The following NAA15 variants were observed in gnomAD, a reference collection of about 807,000 sequenced individuals.
NAA15 encodes the protein N-alpha-acetyltransferase 15, NatA auxiliary subunit, also known as N-terminal acetyltransferase.
NAA15 carries 34 observed loss-of-function variants against 114.0 expected under a neutral mutation model. The ratio of observed to expected loss-of-function variants is 0.30; its 90% CI spans 0.23 to 0.40. The LOEUF (loss-of-function observed/expected upper bound fraction) is 0.40. Ranked by LOEUF, NAA15 falls within the 10% of genes least tolerant of loss-of-function variation. The pLI, the probability that NAA15 is intolerant of heterozygous loss-of-function variation, is 1.00. For synonymous variants in NAA15, 340 were observed against 338.0 expected (o/e 1.01, Z -0.06); for missense variants, 658 against 1,004.5 (o/e 0.66, Z 4.66).
At position 139,344,815 on chromosome 4, in the gene NAA15, C is replaced by T. The variant is rs551044470; in HGVS notation, c.691+476C>T. The stretch of plus-strand genomic sequence containing the variant: ...TCTTTATGGTTAATCTGAATGTCTT[C>T]GATGACACAGAAAGAATATGAGTTC... On this transcript the variant is annotated intron_variant, in intron 6 of 19. Coordinates refer to ENST00000296543, the MANE Select transcript of NAA15 (RefSeq NM_057175.5). Among the ~76,000 whole-genome samples, 12 of 152,018 alleles carry T rather than the reference C, an allele frequency of 7.9e-5. No individual in the cohort carries two copies. The South Asian group carries it at 2.1e-3, about 26-fold the overall frequency.
intron 1 of NAA15, among the ~76,000 whole-genome samples, chr4:139,318,889 C>G (rs1289802565): frequency 6.6e-6 from 1 of 151,592 alleles, no homozygotes; most frequent in Non-Finnish European, 1.5e-5. Context: ...TAAGTAACAG[C>G]TAAAAGAACA....
At chr4:139,370,701 G>T (rs1748411824) in intron 15 of NAA15, among the ~76,000 whole-genome samples, 1 of 152,126 alleles carries the variant, frequency 6.6e-6, no homozygotes, top group Non-Finnish European at 1.5e-5. Flanking sequence ...TTCACTGTGT[G>T]CCCTTGGACA....
chr4:139,357,352 C>A lies in NAA15; in HGVS notation c.1088-34C>A, dbSNP rs779321309. 6 of 1,602,196 alleles carry A rather than the reference C, an allele frequency of 3.7e-6. No homozygotes were observed. In the Admixed American group the frequency reaches 1.0e-4, roughly 27 times the overall value. On this transcript the variant is annotated intron_variant, in intron 10 of 19. Transcript: ENST00000296543. ...GGGGGTGCTCTTAATATATGTAATGCCTCATCTTGGTTTCTTCTCCCTCTT... is the reference window on the plus strand; with the variant it reads ...GGGGGTGCTCTTAATATATGTAATGACTCATCTTGGTTTCTTCTCCCTCTT...
chr4:139,318,556 C>T (rs1412494125), intron 1 of NAA15: 1 of 151,968 alleles, frequency 6.6e-6, no homozygotes, highest in African/African-American at 2.4e-5. Context: ...ATAGAGTGGT[C>T]TAAAATGTCA....
intron 1 of NAA15, 118 bp downstream of exon 1, chr4:139,301,949 G>T: frequency 8.9e-7 from 1 of 1,123,506 alleles, no homozygotes; most frequent in Non-Finnish European, 1.3e-6. Flanking sequence ...CGCCTTCATA[G>T]CTCTCGTCAG....
At chr4:139,339,520 G>A (rs749053794) in intron 3 of NAA15, among the ~76,000 whole-genome samples, 4 of 151,520 alleles carry the variant, frequency 2.6e-5, no homozygotes, top group Non-Finnish European at 4.4e-5. Flanking sequence ...TAATTAGGAG[G>A]CGGGCGGATC....
At chr4:139,304,322 C>T (rs1455539788) in intron 1 of NAA15, among the ~76,000 whole-genome samples, 1 of 152,250 alleles carries the variant, frequency 6.6e-6, no homozygotes, top group Admixed American at 6.5e-5. Context: ...GTTTTCCCAA[C>T]ACTAATACCT....
At chr4:139,350,613 C>G (rs757686680) in intron 7 of NAA15, among the ~76,000 whole-genome samples, 2 of 152,174 alleles carry the variant, frequency 1.3e-5, no homozygotes, top group African/African-American at 2.4e-5. Flanking sequence ...CAAGAGAAAC[C>G]TTCTTGCAGA....
intron 1 of NAA15, chr4:139,302,455 C>T (rs1488475592): frequency 6.6e-6 from 1 of 152,288 alleles, no homozygotes; most frequent in East Asian, 1.9e-4. Context: ...TTCAGCTCCT[C>T]TGCCTCCGTT....
At chr4:139,321,924 G>T (rs1354731648) in intron 1 of NAA15, among the ~76,000 whole-genome samples, 1 of 151,924 alleles carries the variant, frequency 6.6e-6, no homozygotes, top group Non-Finnish European at 1.5e-5. Flanking sequence ...TCTTTCTCCT[G>T]TAGGTCATGG....
chr4:139,364,725 T>C (rs941238188), intron 14 of NAA15, among the ~76,000 whole-genome samples: 1 of 152,240 alleles, frequency 6.6e-6, no homozygotes, highest in African/African-American at 2.4e-5. Flanking sequence ...ACTGTGTCTT[T>C]AGAATTTTCG....
chr4:139,323,859 G>A (rs1274398025), intron 1 of NAA15, among the ~76,000 whole-genome samples: 2 of 152,188 alleles, frequency 1.3e-5, no homozygotes, highest in Non-Finnish European at 2.9e-5. Flanking sequence ...GTCTCAGAGT[G>A]TATGGTGCCA....
intron 10 of NAA15, among the ~76,000 whole-genome samples, chr4:139,354,963 A>G (rs961043088): frequency 1.3e-5 from 2 of 152,028 alleles, no homozygotes; most frequent in Non-Finnish European, 2.9e-5. Context: ...TGTAACCTCC[A>G]CCTCCCAGGT....
intron 17 of NAA15, among the ~76,000 whole-genome samples, chr4:139,381,462 T>G (rs1351029427): frequency 6.6e-6 from 1 of 152,108 alleles, no homozygotes; most frequent in African/African-American, 2.4e-5. Flanking sequence ...TCATTTTTCT[T>G]TGATCTGCAG....
At chr4:139,350,663 C>T (rs536965854) in intron 7 of NAA15, among the ~76,000 whole-genome samples, 1 of 152,224 alleles carries the variant, frequency 6.6e-6, no homozygotes, top group East Asian at 1.9e-4. Flanking sequence ...TTTAGGAACA[C>T]CAGCAAGGAA....
chr4:139,337,683 G>A (rs1579104283), intron 3 of NAA15, among the ~76,000 whole-genome samples: 2 of 152,080 alleles, frequency 1.3e-5, no homozygotes, highest in Admixed American at 1.3e-4. Context: ...CAACTTTGTG[G>A]GCTGACACAA....
chr4:139,326,011 G>A lies in NAA15; in HGVS notation c.55-8163G>A, dbSNP rs78836656. Reference sequence around the variant, plus strand: ...AATAGTAAACTATTCCATAAGTTTTGGATGAAAACTTTCTTGTTAAAATCA... The same window carrying A: ...AATAGTAAACTATTCCATAAGTTTTAGATGAAAACTTTCTTGTTAAAATCA... On this transcript the variant is annotated intron_variant, in intron 1 of 19. Transcript: ENST00000296543. Among the ~76,000 whole-genome samples, 13 of 152,234 alleles carry A rather than the reference G, an allele frequency of 8.5e-5. No homozygotes were observed. The East Asian group carries it at 2.3e-3, about 27-fold the overall frequency.
At chr4:139,317,712 T>C (rs1746461184) in intron 1 of NAA15, among the ~76,000 whole-genome samples, 1 of 152,222 alleles carries the variant, frequency 6.6e-6, no homozygotes, top group Non-Finnish European at 1.5e-5. Flanking sequence ...CTTGAAAATA[T>C]TTGTGTTTGC....
At chr4:139,340,608 G>A (rs796488706) in intron 3 of NAA15, among the ~76,000 whole-genome samples, 2 of 152,076 alleles carry the variant, frequency 1.3e-5, no homozygotes, top group South Asian at 4.1e-4. Context: ...GTTGTCAGTA[G>A]TATGATTTGC....
Sources: allele counts gnomAD v4.1 joint callset (sites outside exome capture counted in the v4.1 genomes callset), GRCh38; gene constraint gnomAD v4.1.1; transcripts MANE v1.5; gene names NCBI Gene and HGNC (gene_info 2026-07-23, HGNC 2026-07-21).